SEMA3A: variants seen among roughly 807,000 people sequenced by gnomAD.
SEMA3A encodes semaphorin-3A.
In SEMA3A, 29 loss-of-function variants were observed where a neutral mutation model predicts 97.9. The observed-to-expected ratio is 0.30, with a 90% CI of 0.22 to 0.40. The LOEUF (loss-of-function observed/expected upper bound fraction) is 0.40, where lower values mean the gene tolerates loss of function less well. Among genes scored for constraint, SEMA3A ranks in the 10% least tolerant of loss-of-function variants. The probability of loss-of-function intolerance (pLI) is 1.00; values close to 1 mark genes in which losing one functional copy is unlikely to be tolerated. For synonymous variants in SEMA3A, 321 were observed against 323.7 expected, an observed-to-expected ratio of 0.99 and a Z score of 0.09; for missense variants, 763 against 951.3, an observed-to-expected ratio of 0.80 and a Z score of 2.60.
In SEMA3A at chr7:84,110,590, C is replaced by T; in HGVS notation, c.334-1G>A. On this transcript the variant is annotated splice_acceptor_variant, in intron 3 of 16. Coordinates refer to ENST00000265362, the MANE Select transcript of SEMA3A (RefSeq NM_006080.3). LOFTEE classifies it high-confidence loss of function. ...CCTTGATGAAATTAGCACATTCTTT[C>T]TGTAAGACAAAAGGAAAACCAAAGA... is the stretch of plus-strand genomic sequence containing the variant. 9 of 1,613,354 alleles carry T rather than the reference C, an allele frequency of 5.6e-6. No individual in the cohort carries two copies. Among genetic ancestry groups the T allele is most frequent in the Non-Finnish European group, 7.6e-6 (9 of 1,179,554 alleles).
At chr7:83,977,739 T>G (rs1789211387) in intron 14 of SEMA3A, among the ~76,000 whole-genome samples, 1 of 151,914 alleles carries the variant, frequency 6.6e-6, no homozygotes, top group Non-Finnish European at 1.5e-5. Flanking sequence ...AAATTCTATT[T>G]TTAAGCTAGT....
intron 2 of SEMA3A, among the ~76,000 whole-genome samples, chr7:84,357,234 C>G (rs1435719134): frequency 6.6e-6 from 1 of 151,800 alleles, no homozygotes; most frequent in African/African-American, 2.4e-5. Context: ...CACCCATTAA[C>G]TTGTCATTTA....
intron 3 of SEMA3A, among the ~76,000 whole-genome samples, chr7:84,255,082 T>A (rs932816508): frequency 6.6e-6 from 1 of 152,136 alleles, no homozygotes. Context: ...TAGATTGTCA[T>A]CATGGAGTGA....
At chr7:84,460,891 G>A (rs1805820316) in intron 1 of SEMA3A, among the ~76,000 whole-genome samples, 1 of 152,152 alleles carries the variant, frequency 6.6e-6, no homozygotes, top group South Asian at 2.1e-4. Flanking sequence ...ATACTCCAAA[G>A]TGCAAAATTG....
chr7:84,082,984 T>A (rs140683479), intron 4 of SEMA3A, among the ~76,000 whole-genome samples: 1,926 of 151,984 alleles, frequency 0.013, 35 homozygotes, highest in African/African-American at 0.044. Flanking sequence ...TCTTTAAATT[T>A]TATGTCAGAA....
intron 1 of SEMA3A, among the ~76,000 whole-genome samples, chr7:84,481,605 G>A (rs965243744): frequency 1.3e-5 from 2 of 152,040 alleles, no homozygotes; most frequent in African/African-American, 4.8e-5. Flanking sequence ...TTTAAGTAAT[G>A]CTAAATATGG....
chr7:84,290,515 G>A (rs1800714840), intron 3 of SEMA3A, among the ~76,000 whole-genome samples: 1 of 151,780 alleles, frequency 6.6e-6, no homozygotes. Context: ...GATTCACACA[G>A]CTGAAGCTTC....
At chr7:84,348,332 A>C (rs1396669675) in intron 2 of SEMA3A, among the ~76,000 whole-genome samples, 2 of 152,218 alleles carry the variant, frequency 1.3e-5, no homozygotes, top group African/African-American at 4.8e-5. Context: ...AGTTAAGATT[A>C]GTTTTCCCTC....
intron 1 of SEMA3A, among the ~76,000 whole-genome samples, chr7:84,425,485 A>G (rs1804789800): frequency 7.0e-6 from 1 of 142,152 alleles, no homozygotes; most frequent in Non-Finnish European, 1.5e-5. Context: ...TTATATAAAA[A>G]TATAATTATA....
At chr7:84,177,432 CT>C (rs1226099454) in intron 1 of SEMA3A, among the ~76,000 whole-genome samples, 1 of 152,094 alleles carries the variant, frequency 6.6e-6, no homozygotes, top group Non-Finnish European at 1.5e-5. Flanking sequence ...GTAAAACACT[CT>C]GTTTTCCTGG....
chr7:84,151,783 C>T (rs1405214405), intron 1 of SEMA3A, among the ~76,000 whole-genome samples: 8 of 151,930 alleles, frequency 5.3e-5, no homozygotes, highest in African/African-American at 1.7e-4. Flanking sequence ...AGAAAATTTT[C>T]GCAACCTACT....
chr7:84,046,382 T>A lies in SEMA3A; in HGVS notation c.609A>T (p.Arg203=). 6.2e-7 allele frequency: 1 copy of A among 1,613,270 alleles called. No homozygotes were observed. Among genetic ancestry groups the A allele is most frequent in the Non-Finnish European group, 8.5e-7 (1 of 1,179,434 alleles). The change falls in exon 6 of 17, where the codon CGA becomes CGT. Residue 203 remains arginine, a synonymous_variant. Coordinates refer to ENST00000265362, the MANE Select transcript of SEMA3A (RefSeq NM_006080.3). ...DFMGRDFAIF[R]TLGHHHPIRT... ...TGATTGGGTGGTGGTGCCCAAGAGT[T>A]CGGAAGATAGCAAAGTCTCGCCCCA...
Position 84,015,606 on chromosome 7 carries a change from C to T in SEMA3A, c.668-1255G>A, listed in dbSNP as rs1791066505. 2.0e-5 allele frequency among the ~76,000 whole-genome samples: 3 copies of T among 152,240 alleles called. No individual in the cohort carries two copies. The South Asian group carries it at 6.2e-4, about 32-fold the overall frequency. On this transcript the variant is annotated intron_variant, in intron 6 of 16. Coordinates refer to ENST00000265362, the MANE Select transcript of SEMA3A (RefSeq NM_006080.3). ...TTTATCCCTTAGTGTATTATTTTAT[C>T]CAGGTAACAATGAAATATACACGTA...
rs953055742 is a variant in SEMA3A, at chr7:83,959,329, C to G, written c.*2042G>C. 6.6e-6 allele frequency: 1 copy of G among 152,024 alleles called. No homozygotes were observed. The highest frequency in any genetic ancestry group is 2.4e-5 in the African/African-American group (1 of 41,426). The allele number at this position is 152,024 out of a possible 1,614,324, so 9.4% of individuals were successfully genotyped here. On this transcript the variant is annotated 3_prime_UTR_variant, in exon 17 of 17. Transcript: ENST00000265362. ...ACTGAATGTTAGTACAGTTTAGATACTTTATGAAAATAAAAGAATGACCTA... is the reference window on the plus strand; with the variant it reads ...ACTGAATGTTAGTACAGTTTAGATAGTTTATGAAAATAAAAGAATGACCTA...
intron 1 of SEMA3A, among the ~76,000 whole-genome samples, chr7:84,379,242 A>G (rs903429317): frequency 5.9e-5 from 9 of 151,978 alleles, no homozygotes; most frequent in Admixed American, 1.3e-4. Flanking sequence ...AATATTTTTA[A>G]TTATTTATTC....
rs1038679079 is a variant in SEMA3A, at chr7:84,425,115, T to C, written c.-245-53215A>G. 1.6e-3 allele frequency among the ~76,000 whole-genome samples: 172 copies of C among 109,606 alleles called. 1 individual carries two copies. The East Asian group carries it at 0.042, about 27-fold the overall frequency. 71.9% of individuals were successfully genotyped at this position (109,606 alleles called of 152,430 possible). A position where few individuals can be genotyped will look rare whatever the true frequency, so the allele number is the denominator to read the frequency against. ...TTTTATATAAATATAAATATATATTTATATAAATTATTTATATATAAATAT... is the reference window on the plus strand; with the variant it reads ...TTTTATATAAATATAAATATATATTCATATAAATTATTTATATATAAATAT... On this transcript the variant is annotated intron_variant, in intron 1 of 3. Coordinates refer to the SEMA3A transcript ENST00000424555.
At chr7:84,433,194 T>G (rs1308773631) in intron 1 of SEMA3A, among the ~76,000 whole-genome samples, 1 of 151,982 alleles carries the variant, frequency 6.6e-6, no homozygotes, top group African/African-American at 2.4e-5. Context: ...ATCATTTACA[T>G]TAGGTATTCC....
chr7:84,334,293 A>G (rs1477577314), intron 2 of SEMA3A, among the ~76,000 whole-genome samples: 1 of 152,008 alleles, frequency 6.6e-6, no homozygotes, highest in Non-Finnish European at 1.5e-5. Context: ...AGAGTAATGA[A>G]AATATTTTTA....
intron 2 of SEMA3A, among the ~76,000 whole-genome samples, chr7:84,364,256 T>A (rs971705199): frequency 6.6e-6 from 1 of 151,766 alleles, no homozygotes; most frequent in Admixed American, 6.6e-5. Flanking sequence ...ATAAGTTTCA[T>A]ATACTGACAT....
Sources: gnomAD v4.1 joint callset for allele counts (sites outside exome capture counted in the v4.1 genomes callset) on GRCh38, gnomAD v4.1.1 for gene constraint, MANE v1.5 for transcripts, NCBI Gene and HGNC (gene_info 2026-07-23, HGNC 2026-07-21) for gene names.